Variants in FBXL13 observed in about 807,000 individuals in gnomAD.
FBXL13 encodes F-box and leucine rich repeat protein 13.
A neutral mutation model predicts 83.6 loss-of-function variants in FBXL13; 67 were observed. That is an observed-to-expected ratio of 0.80 (90% CI 0.66 to 0.98). The LOEUF (loss-of-function observed/expected upper bound fraction) is 0.98. Ranked by LOEUF, FBXL13 falls within the 50% of genes least tolerant of loss-of-function variation. The pLI is 0.00. For synonymous variants in FBXL13, 272 were observed against 299.5 expected (o/e 0.91, Z 0.95); for missense variants, 822 against 866.5 (o/e 0.95, Z 0.64).
intron 6 of FBXL13, among the ~76,000 whole-genome samples, chr7:103,020,940 A>C (rs1218190108): frequency 6.6e-6 from 1 of 152,238 alleles, no homozygotes; most frequent in Non-Finnish European, 1.5e-5. Flanking sequence ...TGCTATCCCC[A>C]TCAAGCTACC....
intron 16 of FBXL13, among the ~76,000 whole-genome samples, chr7:102,875,969 C>A (rs1809189147): frequency 6.6e-6 from 1 of 152,118 alleles, no homozygotes; most frequent in Non-Finnish European, 1.5e-5. Context: ...TGTAATCACT[C>A]AGAAATGTCT....
intron 6 of FBXL13, among the ~76,000 whole-genome samples, chr7:103,024,182 A>AGAGAGG (rs1485475076): frequency 5.7e-5 from 8 of 139,222 alleles, no homozygotes; most frequent in Non-Finnish European, 1.2e-4. Flanking sequence ...AGAGAGAGAG[A>AGAGAGG]GAGAAATAAT....
intron 18 of FBXL13, among the ~76,000 whole-genome samples, chr7:102,823,205 A>G (rs1370545173): frequency 1.3e-5 from 2 of 152,230 alleles, no homozygotes; most frequent in Non-Finnish European, 2.9e-5. Flanking sequence ...ATGAAATGCT[A>G]TAGAGATGGG....
chr7:102,822,872 C>T (rs1288007099), intron 18 of FBXL13, among the ~76,000 whole-genome samples: 2 of 152,160 alleles, frequency 1.3e-5, no homozygotes, highest in African/African-American at 4.8e-5. Flanking sequence ...CAGTTCGAGA[C>T]CAGCCTGGGC....
In FBXL13 at chr7:102,842,363, T is replaced by TA. The variant is rs973047657; in HGVS notation, c.1720-9390dup. Among the ~76,000 whole-genome samples the TA allele has an allele frequency of 9.9e-5, 15 of 151,790 alleles. 2 individuals are homozygous for TA. In the East Asian group the frequency reaches 1.4e-3, roughly 14 times the overall value. ...AAATAGAAATCAATGTTGAGTTCTT[T>TA]AAAAAAAAATGTTGCTACATGGAGC... is the stretch of plus-strand genomic sequence containing the variant. On this transcript the variant is annotated intron_variant, in intron 17 of 19. Coordinates refer to ENST00000313221, the Ensembl canonical transcript of FBXL13.
At chr7:102,991,425 AG>A (rs1347203478) in intron 6 of FBXL13, among the ~76,000 whole-genome samples, 1 of 152,236 alleles carries the variant, frequency 6.6e-6, no homozygotes, top group Non-Finnish European at 1.5e-5. Flanking sequence ...CACAGTGGGC[AG>A]GTGGGAGGTA....
chr7:102,965,271 C>G (rs1825853686), intron 7 of FBXL13, among the ~76,000 whole-genome samples: 1 of 152,092 alleles, frequency 6.6e-6, no homozygotes, highest in Non-Finnish European at 1.5e-5. Context: ...ATTTGAATCC[C>G]ATCCTAGCCA....
intron 2 of FBXL13, 65 bp downstream of exon 2, chr7:103,055,579 C>T (rs1797253305): frequency 3.1e-6 from 2 of 645,208 alleles, no homozygotes; most frequent in South Asian, 3.4e-5. Context: ...TATTTTGTTA[C>T]TATGCAATAA....
At chr7:103,019,840 C>G (rs138796672) in intron 6 of FBXL13, among the ~76,000 whole-genome samples, 105 of 152,180 alleles carry the variant, frequency 6.9e-4, no homozygotes, top group East Asian at 6.4e-3. Context: ...AAAAGCCTAC[C>G]AACCAAAGAA....
intron 8 of FBXL13, among the ~76,000 whole-genome samples, chr7:102,955,621 CA>C (rs1824140266): frequency 6.8e-6 from 1 of 146,602 alleles, no homozygotes; most frequent in Non-Finnish European, 1.5e-5. Context: ...AAAAGATCAA[CA>C]GAATTGACAG....
rs370202960 is a variant in FBXL13, at chr7:103,006,487, AAG to A, written c.495+18574_495+18575del. Among the ~76,000 whole-genome samples the A allele has an allele frequency of 6.9e-3, 1,053 of 152,330 alleles. 11 individuals are homozygous for A. The highest frequency in any genetic ancestry group is 0.023 in the African/African-American group (975 of 41,578). ...CATTGAATACTTGGGGCATTCAATA[AAG>A]ACCCAGAAATGTCACATGATAGAAA... On this transcript the variant is annotated intron_variant, in intron 6 of 19. Transcript: ENST00000313221.
At chr7:102,945,425 C>G (rs923517231) in intron 8 of FBXL13, among the ~76,000 whole-genome samples, 1 of 151,920 alleles carries the variant, frequency 6.6e-6, no homozygotes, top group East Asian at 1.9e-4. Context: ...GCTAGTATGT[C>G]GAGGAGCATA....
intron 8 of FBXL13, among the ~76,000 whole-genome samples, chr7:102,961,223 C>T (rs1297278759): frequency 4.8e-5 from 7 of 147,336 alleles, no homozygotes; most frequent in African/African-American, 1.5e-4. Flanking sequence ...CATGAGTGAA[C>T]TCCCATTCAC....
intron 17 of FBXL13, among the ~76,000 whole-genome samples, chr7:102,835,312 ATC>A (rs71952972): frequency 0.13 from 19,734 of 152,112 alleles, 1,347 homozygotes; most frequent in Middle Eastern, 0.25. Context: ...ACTGGAGATA[ATC>A]AAGCATAGTG....
intron 18 of FBXL13, among the ~76,000 whole-genome samples, chr7:102,828,178 T>C (rs1366037239): frequency 3.9e-5 from 6 of 152,190 alleles, no homozygotes; most frequent in Admixed American, 3.9e-4. Flanking sequence ...TTGGGCAGTA[T>C]GGCCATTTTC....
At chr7:102,828,523 A>ACTC (rs1340912983) in intron 18 of FBXL13, among the ~76,000 whole-genome samples, 2 of 151,960 alleles carry the variant, frequency 1.3e-5, no homozygotes, top group African/African-American at 4.8e-5. Context: ...CAAATCTCTT[A>ACTC]CTCCTCTCCC....
chr7:102,934,601 C>A (rs536003329), intron 8 of FBXL13: 10 of 1,613,764 alleles, frequency 6.2e-6, no homozygotes, highest in South Asian at 1.1e-5. Flanking sequence ...GTCAGGGAGA[C>A]CCCCAGTCAT....
chr7:103,027,544 T>A, exon 5 of FBXL13: 2 of 1,607,942 alleles, frequency 1.2e-6, no homozygotes, highest in Admixed American at 1.7e-5. Context: ...ATCTGTTGTA[T>A]CCGCAATAGA....
chr7:102,938,277 G>A (rs907598932), intron 8 of FBXL13, among the ~76,000 whole-genome samples: 1 of 152,142 alleles, frequency 6.6e-6, no homozygotes, highest in Non-Finnish European at 1.5e-5. Flanking sequence ...GGAGAATTAC[G>A]CAGGTAAATT....
Sources: gnomAD v4.1 joint callset for allele counts (sites outside exome capture counted in the v4.1 genomes callset) on GRCh38, gnomAD v4.1.1 for gene constraint, MANE v1.5 for transcripts, NCBI Gene and HGNC (gene_info 2026-07-23, HGNC 2026-07-21) for gene names.